EPHA3: variants seen among roughly 807,000 people sequenced by gnomAD.
EPHA3 encodes the protein ephrin type-A receptor 3.
Under a neutral mutation model 107.1 loss-of-function variants are expected in EPHA3, and 42 were observed. The ratio of observed to expected loss-of-function variants is 0.39; its 90% confidence interval spans 0.31 to 0.51. The LOEUF (loss-of-function observed/expected upper bound fraction) is 0.51. EPHA3 is among the 20% of genes least tolerant of loss of function. The pLI, the probability that EPHA3 is intolerant of heterozygous loss-of-function variation, is 0.78. For synonymous variants in EPHA3, 461 were observed against 424.8 expected (o/e 1.09, Z -1.05); for missense variants, 1,183 against 1,211.2 (o/e 0.98, Z 0.35).
intron 3 of EPHA3, among the ~76,000 whole-genome samples, chr3:89,236,288 T>G: frequency 6.6e-6 from 1 of 151,822 alleles, no homozygotes; most frequent in Admixed American, 6.6e-5. Flanking sequence ...AAAGCACTAT[T>G]AAAACTATAT....
intron 5 of EPHA3, among the ~76,000 whole-genome samples, chr3:89,369,280 T>C (rs1708245682): frequency 6.6e-6 from 1 of 150,832 alleles, no homozygotes; most frequent in Non-Finnish European, 1.5e-5. Context: ...CAAAACAGCA[T>C]GGTACTGGTA....
chr3:89,211,679 TCC>T (rs1559602747), intron 3 of EPHA3, among the ~76,000 whole-genome samples: 13 of 142,892 alleles, frequency 9.1e-5, no homozygotes, highest in African/African-American at 3.0e-4. Flanking sequence ...CTCCTCCTCC[TCC>T]TCTCTCTCCT....
At chr3:89,187,200 TTG>T (rs147946118) in intron 2 of EPHA3, among the ~76,000 whole-genome samples, 34,579 of 150,616 alleles carry the variant, frequency 0.23, 4,062 homozygotes, top group Middle Eastern at 0.32. Flanking sequence ...TACATCAAAT[TTG>T]TGTTTTTGAA....
At chr3:89,234,719 C>T (rs9833437) in intron 3 of EPHA3, among the ~76,000 whole-genome samples, 73,924 of 149,540 alleles carry the variant, frequency 0.49, 19,352 homozygotes, top group East Asian at 0.7. Flanking sequence ...CCTTCCCTTC[C>T]CTTTTCTTTC....
At chr3:89,279,324 A>C (rs1049478791) in intron 3 of EPHA3, among the ~76,000 whole-genome samples, 27 of 152,066 alleles carry the variant, frequency 1.8e-4, no homozygotes, top group African/African-American at 6.3e-4. Context: ...ATTCTAGAAA[A>C]AGTTAGAGAA....
chr3:89,204,396 A>G (rs1408262314), intron 2 of EPHA3, among the ~76,000 whole-genome samples: 2 of 151,838 alleles, frequency 1.3e-5, no homozygotes, highest in African/African-American at 4.8e-5. Context: ...CATCTTGTTA[A>G]TCATAGGGAT....
intron 11 of EPHA3, among the ~76,000 whole-genome samples, chr3:89,422,681 G>A (rs1709374495): frequency 6.6e-6 from 1 of 151,344 alleles, no homozygotes; most frequent in Admixed American, 6.6e-5. Flanking sequence ...CAATCAATTT[G>A]GGTGTATAGA....
intron 5 of EPHA3, among the ~76,000 whole-genome samples, chr3:89,359,820 T>C (rs1424090642): frequency 7.0e-6 from 1 of 143,692 alleles, no homozygotes; most frequent in African/African-American, 2.5e-5. Context: ...TACATATATA[T>C]ACATATATAT....
chr3:89,281,081 T>A (rs1409666270), intron 3 of EPHA3, among the ~76,000 whole-genome samples: 2 of 151,956 alleles, frequency 1.3e-5, no homozygotes, highest in African/African-American at 4.8e-5. Flanking sequence ...TGGAGCGCAG[T>A]GGTGCGATCT....
intron 5 of EPHA3, among the ~76,000 whole-genome samples, chr3:89,350,907 A>G (rs905105958): frequency 1.1e-4 from 16 of 151,114 alleles, no homozygotes; most frequent in Non-Finnish European, 1.8e-4. Context: ...CTGCTGGGGG[A>G]TGCTTCCCAG....
chr3:89,129,425 TC>T (rs1235511537), intron 2 of EPHA3, among the ~76,000 whole-genome samples: 1 of 152,068 alleles, frequency 6.6e-6, no homozygotes, highest in Non-Finnish European at 1.5e-5. Flanking sequence ...CCCCAATAGT[TC>T]ATGAAACTTA....
chr3:89,272,225 C>A (rs536833263), intron 3 of EPHA3, among the ~76,000 whole-genome samples: 1 of 151,778 alleles, frequency 6.6e-6, no homozygotes, highest in African/African-American at 2.4e-5. Flanking sequence ...CTAATTCCTG[C>A]ATTCATTGTT....
At chr3:89,234,965 C>T (rs1704722696) in intron 3 of EPHA3, among the ~76,000 whole-genome samples, 1 of 135,712 alleles carries the variant, frequency 7.4e-6, no homozygotes, top group Non-Finnish European at 1.6e-5. Flanking sequence ...CTTTCCCTTC[C>T]TCCTTCCTTC....
At chr3:89,164,583 T>A (rs1322561472) in intron 2 of EPHA3, among the ~76,000 whole-genome samples, 1 of 152,176 alleles carries the variant, frequency 6.6e-6, no homozygotes, top group Non-Finnish European at 1.5e-5. Flanking sequence ...TCCCACTAGT[T>A]TTTCTGTCTT....
chr3:89,163,482 T>C (rs1704993978), intron 2 of EPHA3, among the ~76,000 whole-genome samples: 1 of 152,156 alleles, frequency 6.6e-6, no homozygotes, highest in Non-Finnish European at 1.5e-5. Context: ...TATTTTTTAA[T>C]ATTATTGATT....
At chr3:89,452,973 TTAG>T (rs144576398) in intron 15 of EPHA3, among the ~76,000 whole-genome samples, 33,834 of 151,908 alleles carry the variant, frequency 0.22, 4,045 homozygotes, top group Non-Finnish European at 0.25. Context: ...ATAATAACAC[TTAG>T]TAGGAATCAC....
chr3:89,262,778 A>G (rs1705445727), intron 3 of EPHA3, among the ~76,000 whole-genome samples: 4 of 152,010 alleles, frequency 2.6e-5, no homozygotes, highest in African/African-American at 7.2e-5. Flanking sequence ...TGCAGGATCA[A>G]ACTCTATTCA....
At chr3:89,452,970 CACTT>C (rs1710023582) in intron 15 of EPHA3, among the ~76,000 whole-genome samples, 2 of 142,538 alleles carry the variant, frequency 1.4e-5, no homozygotes, top group Admixed American at 1.4e-4. Context: ...TTGATAATAA[CACTT>C]AGTAGGAATC....
chr3:89,249,975 C>A (rs1265366704), intron 3 of EPHA3, among the ~76,000 whole-genome samples: 1 of 152,054 alleles, frequency 6.6e-6, no homozygotes, highest in Admixed American at 6.5e-5. Context: ...ATGCCAGAGC[C>A]GAATGCTTGT....
Sources: gnomAD v4.1 joint callset for allele counts (sites outside exome capture counted in the v4.1 genomes callset) on GRCh38, gnomAD v4.1.1 for gene constraint, MANE v1.5 for transcripts, NCBI Gene and HGNC (gene_info 2026-07-23, HGNC 2026-07-21) for gene names.